The following PCGF6 variants were observed in gnomAD, a reference collection of about 807,000 sequenced individuals.
The protein encoded by PCGF6 is polycomb group RING finger protein 6.
PCGF6 carries 24 observed loss-of-function variants against 45.5 expected under a neutral mutation model. That is an observed-to-expected ratio of 0.53 (90% CI 0.38 to 0.74). The LOEUF (loss-of-function observed/expected upper bound fraction) is 0.74, where lower values mean the gene tolerates loss of function less well. PCGF6 is among the 30% of genes least tolerant of loss of function. The pLI is 0.00. For missense variants in PCGF6, 356 were observed against 443.2 expected (o/e 0.80, Z 1.77); for synonymous variants, 152 against 162.1 (o/e 0.94, Z 0.47).
At chr10:103,308,899 T>G (rs12220933) in intron 9 of PCGF6, among the ~76,000 whole-genome samples, 1 of 151,920 alleles carries the variant, frequency 6.6e-6, no homozygotes, top group Admixed American at 6.6e-5. Flanking sequence ...TAAATAAAAA[T>G]AAAAAAATTA....
At chr10:103,338,134 G>A (rs1446587683) in intron 6 of PCGF6, among the ~76,000 whole-genome samples, 4 of 151,946 alleles carry the variant, frequency 2.6e-5, no homozygotes, top group South Asian at 2.1e-4. Context: ...CCAGTTACCC[G>A]GGAGGCTGAG....
chr10:103,316,410 A>T (rs1182823478), intron 8 of PCGF6, among the ~76,000 whole-genome samples: 2 of 152,252 alleles, frequency 1.3e-5, no homozygotes, highest in African/African-American at 4.8e-5. Flanking sequence ...GCCACTATGT[A>T]CAATAAGTTA....
At chr10:103,314,370 A>G (rs2093167446) in intron 8 of PCGF6, 98 bp from the exon 9 acceptor site, 1 of 746,528 alleles carries the variant, frequency 1.3e-6, no homozygotes, top group African/African-American at 1.8e-5. Flanking sequence ...TCCAAACTAG[A>G]TTTTGTAATT....
At chr10:103,346,477 AG>A (rs1303977039) in intron 5 of PCGF6, among the ~76,000 whole-genome samples, 2 of 151,934 alleles carry the variant, frequency 1.3e-5, no homozygotes, top group African/African-American at 2.4e-5. Flanking sequence ...TACAAAAATT[AG>A]CTTGGCGTAG....
chr10:103,306,632 G>A, intron 9 of PCGF6, among the ~76,000 whole-genome samples: 1 of 152,136 alleles, frequency 6.6e-6, no homozygotes, highest in East Asian at 1.9e-4. Flanking sequence ...AATCTGGTTT[G>A]TGTTCCTGGC....
intron 9 of PCGF6, among the ~76,000 whole-genome samples, chr10:103,311,600 C>T (rs912050967): frequency 1.3e-5 from 2 of 151,962 alleles, no homozygotes; most frequent in African/African-American, 2.4e-5. Context: ...GAGCCACCAC[C>T]GCACCTAGCC....
At chr10:103,339,183 G>A (rs2093269310) in intron 6 of PCGF6, among the ~76,000 whole-genome samples, 1 of 152,164 alleles carries the variant, frequency 6.6e-6, no homozygotes, top group Admixed American at 6.5e-5. Flanking sequence ...GGGAGGCCAA[G>A]GCGGGTAGAT....
intron 7 of PCGF6, among the ~76,000 whole-genome samples, chr10:103,327,814 A>C (rs1248277334): frequency 6.6e-6 from 1 of 151,156 alleles, no homozygotes; most frequent in East Asian, 1.9e-4. Context: ...AGCTGGGACT[A>C]CAGGCGTGCA....
chr10:103,340,192 AAAAAAAAT>A (rs1223330978), intron 6 of PCGF6, among the ~76,000 whole-genome samples: 22 of 105,800 alleles, frequency 2.1e-4, no homozygotes, highest in African/African-American at 9.0e-4. Context: ...AAAAAAAAAA[AAAAAAAAT>A]ATATATATAT....
chr10:103,310,364 G>A (rs2093152969), intron 9 of PCGF6, among the ~76,000 whole-genome samples: 3 of 152,132 alleles, frequency 2.0e-5, no homozygotes, highest in South Asian at 4.1e-4. Flanking sequence ...AACTGGGAAG[G>A]AGCATGAGAG....
chr10:103,345,461 T>G (rs1023867927), intron 5 of PCGF6, among the ~76,000 whole-genome samples: 2 of 151,846 alleles, frequency 1.3e-5, no homozygotes, highest in Non-Finnish European at 2.9e-5. Flanking sequence ...ATGCATCATC[T>G]CATTCGTCCT....
intron 7 of PCGF6, among the ~76,000 whole-genome samples, chr10:103,327,521 A>G (rs1392486033): frequency 6.6e-6 from 1 of 152,190 alleles, no homozygotes; most frequent in Non-Finnish European, 1.5e-5. Flanking sequence ...ATTAATTTAA[A>G]AAACTGTAGT....
chr10:103,339,806 AAAAAACACACACACACACACACACACAC>A (rs2093272141), intron 6 of PCGF6, among the ~76,000 whole-genome samples: 13 of 71,210 alleles, frequency 1.8e-4, no homozygotes, highest in Admixed American at 1.5e-3. Context: ...TGTCTCAAAA[AAAAAACACACACACACACACACACACAC>A]ACACACACAC....
chr10:103,322,795 G>GC (rs1479695068), intron 8 of PCGF6, among the ~76,000 whole-genome samples: 1 of 151,254 alleles, frequency 6.6e-6, no homozygotes, highest in Non-Finnish European at 1.5e-5. Flanking sequence ...CTGCACTCCA[G>GC]CATGGGTGAC....
rs2093318662 is a variant in PCGF6 at position 103,350,884 on chromosome 10, G to C, written c.183C>G (p.Pro61=). Residue 61 remains proline, a synonymous_variant, in exon 1 of 10, where the codon CCC becomes CCG. Coordinates refer to ENST00000369847, the MANE Select transcript of PCGF6 (RefSeq NM_001011663.2). ...GGCTGCGCTCCGGCTCCAGCTCAGG[G>C]GGCCGGGAGCCGGAGCAGCCGGGAG... ...TGAPGCSGSR[P]PELEPERSLG... The C allele has an allele frequency of 6.5e-7, 1 of 1,533,414 alleles. No homozygotes were observed. The highest frequency in any genetic ancestry group is 8.8e-7 in the Non-Finnish European group (1 of 1,142,090). The allele number at this position is 1,533,414 out of a possible 1,614,324, so 95.0% of individuals were successfully genotyped here.
intron 5 of PCGF6, among the ~76,000 whole-genome samples, chr10:103,346,989 C>T (rs912305172): frequency 1.3e-5 from 2 of 152,114 alleles, no homozygotes; most frequent in Admixed American, 6.6e-5. Context: ...CAGACATTTA[C>T]GTATGTAACT....
At chr10:103,314,004 CAT>C (rs1383885514) in intron 9 of PCGF6, among the ~76,000 whole-genome samples, 180 bp downstream of exon 9, 4 of 152,098 alleles carry the variant, frequency 2.6e-5, no homozygotes, top group Non-Finnish European at 2.9e-5. Context: ...AGCTAATCTA[CAT>C]AAATTACTTA....
chr10:103,347,836 G>C (rs560595290), intron 3 of PCGF6, among the ~76,000 whole-genome samples: 2 of 152,118 alleles, frequency 1.3e-5, no homozygotes, highest in African/African-American at 4.8e-5. Flanking sequence ...GACTAAAGGC[G>C]CGTGACACCA....
intron 6 of PCGF6, among the ~76,000 whole-genome samples, chr10:103,337,995 C>T (rs1477632316): frequency 2.1e-5 from 1 of 47,712 alleles, no homozygotes; most frequent in Non-Finnish European, 4.5e-5. Flanking sequence ...ACCCGGGAGG[C>T]GGAGCTTGCA....
Sources: allele counts gnomAD v4.1 joint callset (sites outside exome capture counted in the v4.1 genomes callset), GRCh38; gene constraint gnomAD v4.1.1; transcripts MANE v1.5; gene names NCBI Gene and HGNC (gene_info 2026-07-23, HGNC 2026-07-21).